VIL1: variants seen among roughly 807,000 people sequenced by gnomAD.
VIL1 encodes the protein villin-1.
In VIL1, 86 loss-of-function variants were observed where a neutral mutation model predicts 104.0. The ratio of observed to expected loss-of-function variants is 0.83; its 90% confidence interval spans 0.69 to 0.99. The LOEUF (loss-of-function observed/expected upper bound fraction) is 0.99. Among genes scored for constraint, VIL1 ranks in the 50% least tolerant of loss-of-function variants. The pLI is 0.00. For missense variants in VIL1, 944 were observed against 1,054.1 expected (o/e 0.90, Z 1.45); for synonymous variants, 394 against 412.6 (o/e 0.95, Z 0.55).
At position 218,449,610 on chromosome 2, in the gene VIL1, T is replaced by G. The variant is rs576539631; in HGVS notation, c.*274T>G. The G allele has an allele frequency of 6.6e-5, 21 of 320,124 alleles. No individual in the cohort carries two copies. In the East Asian group the frequency reaches 1.3e-3, roughly 19 times the overall value. The allele number at this position is 320,124 out of a possible 1,614,324, so 19.8% of individuals were successfully genotyped here. A position where few individuals can be genotyped will look rare whatever the true frequency, so the allele number is the denominator to read the frequency against. On this transcript the variant is annotated 3_prime_UTR_variant, in exon 20 of 20. Transcript: ENST00000248444. ...CATCAATTTTAATACTCCTATAGTT[T>G]TCTCTTCTTAGAAGAGCACAAACAC...
rs774645181 is a variant in VIL1, at chr2:218,434,630, G to A, written c.1605G>A (p.Ala535=). 8.1e-5 allele frequency: 131 copies of A among 1,614,032 alleles called. 1 individual carries two copies. The Middle Eastern group carries it at 1.3e-3, about 16-fold the overall frequency. Residue 535 remains alanine, a synonymous_variant, in exon 14 of 20, where the codon GCG becomes GCA. Transcript: ENST00000248444. ...ANNTKAFEVP[A]RANFLNSNDV... ...ACACCAAGGCCTTTGAGGTCCCAGC[G>A]CGGGCCAATTTCCTCAATTCCAATG...
chr2:218,443,368 T>C (rs577349612), intron 19 of VIL1, among the ~76,000 whole-genome samples: 1 of 152,064 alleles, frequency 6.6e-6, no homozygotes, highest in Admixed American at 6.6e-5. Context: ...TGTCTAATTT[T>C]AGTATTTTTA....
intron 19 of VIL1, among the ~76,000 whole-genome samples, chr2:218,447,740 G>GC (rs1689390166): frequency 6.7e-6 from 1 of 148,446 alleles, no homozygotes; most frequent in South Asian, 2.1e-4. Context: ...ACTTTGTTTT[G>GC]TTTTTTTTTT....
chr2:218,424,178 G>A, intron 2 of VIL1, 99 bp from the exon 3 acceptor site: 1 of 1,045,714 alleles, frequency 9.6e-7, no homozygotes, highest in Non-Finnish European at 1.4e-6. Context: ...CCTGGGCCCG[G>A]CTCTTTGTCT....
chr2:218,429,140 C>T lies in VIL1; in HGVS notation c.568-145C>T, dbSNP rs930577583. The T allele has an allele frequency of 6.5e-5, 60 of 917,006 alleles. No homozygotes were observed. In the Admixed American group the frequency reaches 1.6e-3, roughly 25 times the overall value. The allele number at this position is 917,006 out of a possible 1,614,324, so 56.8% of individuals were successfully genotyped here. On this transcript the variant is annotated intron_variant, in intron 6 of 19. Transcript: ENST00000248444. The stretch of plus-strand genomic sequence containing the variant: ...TTCCTTACATGCCTTAAAAGCTTGA[C>T]CCCTCCGACGGGGAAAAGCAGGGCA...
Position 218,427,953 on chromosome 2 carries a change from CTCTCT to C in VIL1, c.348-7_348-3del. ...AGCCCACTTCCTTGGGTCAGCTCAC[CTCTCT>C]TCTCAGGATCCGGAAAGGGGGCGTG... On this transcript the variant is annotated splice_region_variant and splice_polypyrimidine_tract_variant and intron_variant, in intron 4 of 19. Coordinates refer to ENST00000248444, the MANE Select transcript of VIL1 (RefSeq NM_007127.3). 6.2e-7 allele frequency: 1 copy of C among 1,613,164 alleles called. No individual in the cohort carries two copies. The highest frequency in any genetic ancestry group is 8.5e-7 in the Non-Finnish European group (1 of 1,179,512).
Position 218,435,324 on chromosome 2 carries a change from G to A in VIL1, c.1716G>A (p.Met572Ile). ...GGGACGAGCGGGAGATGGCCAAGAT[G>A]GTTGCTGACACCATCTCCCGGACGG... ...CSGDEREMAK[M>I]VADTISRTEK... The change falls in exon 15 of 20, where the codon ATG (methionine) becomes ATA (isoleucine). Residue 572 changes from methionine to isoleucine, a missense_variant. By Grantham distance (10) the Met-to-Ile change is conservative. Coordinates refer to ENST00000248444, the MANE Select transcript of VIL1 (RefSeq NM_007127.3). 1 of 1,614,100 alleles carries A rather than the reference G, an allele frequency of 6.2e-7. No individual in the cohort carries two copies. The highest frequency in any genetic ancestry group is 8.5e-7 in the Non-Finnish European group (1 of 1,179,982).
chr2:218,427,934 C>T (rs749708117), intron 4 of VIL1, 31 bp from the exon 5 acceptor site: 5 of 1,606,994 alleles, frequency 3.1e-6, no homozygotes, highest in African/African-American at 1.3e-5. Context: ...TCCCAGCCCA[C>T]TTCCTTGGGT....
intron 18 of VIL1, among the ~76,000 whole-genome samples, chr2:218,439,079 T>C (rs2106395731): frequency 6.6e-6 from 1 of 151,988 alleles, no homozygotes; most frequent in East Asian, 1.9e-4. Flanking sequence ...TACAGGTGTG[T>C]GCCACCACGC....
Position 218,434,637 on chromosome 2 carries a change from A to C in VIL1, c.1612A>C (p.Asn538His). Residue 538 changes from asparagine to histidine, a missense_variant, in exon 14 of 20, where the codon AAT becomes CAT. By Grantham distance (68) the Asn-to-His change is moderately conservative. Transcript: ENST00000248444. ...GGCCTTTGAGGTCCCAGCGCGGGCC[A>C]ATTTCCTCAATTCCAATGATGTCTT... is the stretch of plus-strand genomic sequence containing the variant. ...TKAFEVPARA[N>H]FLNSNDVFVL... 3 of 1,614,138 alleles carry C rather than the reference A, an allele frequency of 1.9e-6. No homozygotes were observed. The highest frequency in any genetic ancestry group is 2.5e-6 in the Non-Finnish European group (3 of 1,180,002).
At chr2:218,430,593 G>C in intron 9 of VIL1, 132 bp from the exon 10 acceptor site, 1 of 1,209,042 alleles carries the variant, frequency 8.3e-7, no homozygotes, top group South Asian at 1.6e-5. Flanking sequence ...ATTGGGATTG[G>C]GTTTGGGTTC....
intron 1 of VIL1, among the ~76,000 whole-genome samples, chr2:218,421,230 G>A (rs1160433739): frequency 6.6e-6 from 1 of 152,104 alleles, no homozygotes; most frequent in Non-Finnish European, 1.5e-5. Context: ...TTTCTAGAGG[G>A]CAGAGTGCCA....
intron 1 of VIL1, among the ~76,000 whole-genome samples, chr2:218,422,086 C>T (rs1671128187): frequency 6.6e-6 from 1 of 152,010 alleles, no homozygotes; most frequent in Non-Finnish European, 1.5e-5. Context: ...AAACCCCCGT[C>T]TCTATTAAAA....
In VIL1 at chr2:218,432,150, C is replaced by T. The variant is rs759208946; in HGVS notation, c.1308C>T (p.Gly436=). 4.1e-5 allele frequency: 66 copies of T among 1,613,764 alleles called. No individual in the cohort carries two copies. Among genetic ancestry groups the T allele is most frequent in the African/African-American group, 1.2e-4 (9 of 74,900 alleles). Residue 436 remains glycine (G), a synonymous_variant, in exon 12 of 20, where the codon GGC becomes GGT. Coordinates refer to ENST00000248444, the MANE Select transcript of VIL1 (RefSeq NM_007127.3). ...TGCTGCTCTACACCTACCTCATCGGCGAGAAGCAGCATTACCTGCTCTACG... is the reference window on the plus strand; with the variant it reads ...TGCTGCTCTACACCTACCTCATCGGTGAGAAGCAGCATTACCTGCTCTACG... ...CYLLLYTYLI[G]EKQHYLLYVW...
intron 1 of VIL1, 101 bp downstream of exon 1, chr2:218,419,269 G>A (rs1186776195): frequency 1.3e-5 from 2 of 152,266 alleles, no homozygotes; most frequent in Admixed American, 6.5e-5. Context: ...GAGCACCTTG[G>A]TACGGGCTCG....
At chr2:218,424,413 G>A in intron 3 of VIL1, 62 bp downstream of exon 3, 3 of 1,560,716 alleles carry the variant, frequency 1.9e-6, no homozygotes, top group Non-Finnish European at 2.6e-6. Context: ...TGTCAGGGAG[G>A]AAACAGGCTG....
intron 4 of VIL1, among the ~76,000 whole-genome samples, chr2:218,426,169 C>A (rs539938130): frequency 1.3e-5 from 2 of 152,284 alleles, no homozygotes; most frequent in South Asian, 4.1e-4. Context: ...TCAAGCCCCC[C>A]AACTCTGGCC....
In VIL1 at chr2:218,430,719, T is replaced by C; in HGVS notation, c.949-6T>C. ...CATAGCTTCCAGCCACCCCTTTCTCTTCCAGAACTTCATCAAAGCCAAGCA... is the reference window on the plus strand; with the variant it reads ...CATAGCTTCCAGCCACCCCTTTCTCCTCCAGAACTTCATCAAAGCCAAGCA... On this transcript the variant is annotated splice_region_variant and splice_polypyrimidine_tract_variant and intron_variant, in intron 9 of 19. Transcript: ENST00000248444. The C allele has an allele frequency of 6.3e-7, 1 of 1,576,646 alleles. No homozygotes were observed. The highest frequency in any genetic ancestry group is 2.3e-5 in the East Asian group (1 of 44,172).
chr2:218,438,486 C>T (rs1689231568), intron 17 of VIL1, among the ~76,000 whole-genome samples, 172 bp from the exon 18 acceptor site: 2 of 152,208 alleles, frequency 1.3e-5, no homozygotes, highest in Admixed American at 1.3e-4. Flanking sequence ...CCAATCTCAC[C>T]ATCTAATCTC....
Sources: allele counts gnomAD v4.1 joint callset (sites outside exome capture counted in the v4.1 genomes callset), GRCh38; gene constraint gnomAD v4.1.1; transcripts MANE v1.5; gene names NCBI Gene and HGNC (gene_info 2026-07-23, HGNC 2026-07-21).